TRDN: variants seen among roughly 807,000 people sequenced by gnomAD.
TRDN encodes triadin, also known as triadin in skeletal muscle.
In TRDN, 161 loss-of-function variants were observed where a neutral mutation model predicts 149.7. The ratio of observed to expected loss-of-function variants is 1.08; its 90% confidence interval spans 0.95 to 1.23. The LOEUF is 1.23. TRDN is among the 50% of genes most tolerant of loss of function. TRDN has a pLI of 0.00. For missense variants in TRDN, 896 were observed against 823.5 expected (o/e 1.09, Z -1.08); for synonymous variants, 294 against 250.5 (o/e 1.17, Z -1.64).
chr6:123,267,179 C>T (rs983186388), intron 32 of TRDN, among the ~76,000 whole-genome samples: 1 of 147,938 alleles, frequency 6.8e-6, no homozygotes, highest in Middle Eastern at 3.5e-3. Context: ...GTAGAATTTA[C>T]CAAAAGAGAG....
chr6:123,596,712 CTCTATCAGTGGAACAACAGTTTTTTAA>C, intron 1 of TRDN, among the ~76,000 whole-genome samples: 1 of 152,048 alleles, frequency 6.6e-6, no homozygotes, highest in Non-Finnish European at 1.5e-5. Context: ...CTTGTCTATG[CTCTATCAGTGGAACAACAGTTTTTTAA>C]TCTATCAGTG....
chr6:123,340,530 G>A (rs963159766), intron 21 of TRDN, among the ~76,000 whole-genome samples: 2 of 152,032 alleles, frequency 1.3e-5, no homozygotes, highest in African/African-American at 4.8e-5. Context: ...TTATCAGGCA[G>A]TTAAGATCCC....
chr6:123,301,277 AG>A (rs1414778702), intron 24 of TRDN, among the ~76,000 whole-genome samples: 1 of 152,056 alleles, frequency 6.6e-6, no homozygotes, highest in African/African-American at 2.4e-5. Flanking sequence ...TGTTGACAAG[AG>A]GAATATACAC....
At chr6:123,598,588 T>G (rs1185963901) in intron 1 of TRDN, among the ~76,000 whole-genome samples, 1 of 152,100 alleles carries the variant, frequency 6.6e-6, no homozygotes, top group Non-Finnish European at 1.5e-5. Flanking sequence ...TAAATTCACC[T>G]GATTGTCTAC....
At position 123,366,120 on chromosome 6, in the gene TRDN, T is replaced by C. The variant is rs373855431; in HGVS notation, c.1321+15A>G. On this transcript the variant is annotated intron_variant, in intron 20 of 40. Transcript: ENST00000334268. The stretch of plus-strand genomic sequence containing the variant: ...ACTTATAGTTATGACATCTTTATCT[T>C]TAAGCTGCATTTACCTTTTTTAATT... The C allele has an allele frequency of 3.1e-5, 50 of 1,607,292 alleles. No homozygotes were observed. Among genetic ancestry groups the C allele is most frequent in the Middle Eastern group, 3.3e-4 (2 of 6,062 alleles).
chr6:123,572,648 T>C (rs891687699), intron 1 of TRDN, among the ~76,000 whole-genome samples: 1 of 152,122 alleles, frequency 6.6e-6, no homozygotes, highest in African/African-American at 2.4e-5. Context: ...AAGTAAGTAA[T>C]TGAATACTTA....
rs1375367300 is a variant in TRDN, at chr6:123,217,367, G to A, written c.*1234C>T. 1 of 151,898 alleles carries A rather than the reference G, an allele frequency of 6.6e-6. No individual in the cohort carries two copies. Among genetic ancestry groups the A allele is most frequent in the Non-Finnish European group, 1.5e-5 (1 of 67,930 alleles). 9.4% of individuals were successfully genotyped at this position (151,898 alleles called of 1,614,324 possible). A position where few individuals can be genotyped will look rare whatever the true frequency, so the allele number is the denominator to read the frequency against. On this transcript the variant is annotated 3_prime_UTR_variant, in exon 41 of 41. Coordinates refer to ENST00000334268, the MANE Select transcript of TRDN (RefSeq NM_006073.4). ...CTTGCTGATGGTAATTACAATGCTA[G>A]AAAGGATAACTCAATTTATTTCCTG...
intron 38 of TRDN, among the ~76,000 whole-genome samples, chr6:123,230,234 G>A (rs893620098): frequency 2.6e-5 from 4 of 151,966 alleles, no homozygotes; most frequent in Admixed American, 2.0e-4. Flanking sequence ...CATGTCGTTT[G>A]TAGGGACATG....
intron 1 of TRDN, among the ~76,000 whole-genome samples, chr6:123,609,872 C>G (rs1053780583): frequency 1.3e-5 from 2 of 152,084 alleles, no homozygotes; most frequent in Non-Finnish European, 2.9e-5. Flanking sequence ...ATTCCTAGCT[C>G]CTTCTACTGT....
intron 35 of TRDN, 137 bp from the exon 36 acceptor site, chr6:123,256,039 G>T (rs147951703): frequency 1.9e-5 from 7 of 368,690 alleles, no homozygotes; most frequent in African/African-American, 1.3e-4. Flanking sequence ...TGCTGCACCC[G>T]TCAACCCATC....
In TRDN at chr6:123,558,055, C is replaced by G. The variant is rs558856487; in HGVS notation, c.233-9443G>C. 6.6e-5 allele frequency among the ~76,000 whole-genome samples: 10 copies of G among 152,230 alleles called. No homozygotes were observed. The East Asian group carries it at 1.7e-3, about 27-fold the overall frequency. ...CAGCACTTTCGACTTTTCCACCCTA[C>G]AAGACCTAAAAAATTCTTGTCCTAA... On this transcript the variant is annotated intron_variant, in intron 2 of 40. Coordinates refer to ENST00000334268, the MANE Select transcript of TRDN (RefSeq NM_006073.4).
chr6:123,381,326 A>AG, intron 16 of TRDN, 44 bp downstream of exon 16: 1 of 1,497,482 alleles, frequency 6.7e-7, no homozygotes, highest in Non-Finnish European at 9.1e-7. Flanking sequence ...AAATAATAGT[A>AG]GTAAAAAAAA....
At chr6:123,499,242 T>G (rs9490791) in intron 8 of TRDN, among the ~76,000 whole-genome samples, 49 of 151,992 alleles carry the variant, frequency 3.2e-4, no homozygotes, top group African/African-American at 1.1e-3. Context: ...ATCTGCCCCA[T>G]GTTGTGATGG....
intron 2 of TRDN, among the ~76,000 whole-genome samples, chr6:123,561,685 C>T (rs551819263): frequency 3.9e-5 from 6 of 152,144 alleles, no homozygotes; most frequent in Admixed American, 1.3e-4. Context: ...CATACAAAAC[C>T]GTATCCAGGC....
At chr6:123,476,860 T>G (rs1042160037) in intron 9 of TRDN, among the ~76,000 whole-genome samples, 19 of 151,952 alleles carry the variant, frequency 1.3e-4, no homozygotes, top group East Asian at 3.9e-4. Context: ...TAGCCATATG[T>G]AGAAAGCTGA....
intron 12 of TRDN, among the ~76,000 whole-genome samples, chr6:123,406,724 T>C (rs1242110782): frequency 6.6e-6 from 1 of 152,150 alleles, no homozygotes; most frequent in Non-Finnish European, 1.5e-5. Context: ...ATGGCAATTA[T>C]AACAGCTAAT....
At chr6:123,479,531 G>C (rs72978432) in intron 9 of TRDN, among the ~76,000 whole-genome samples, 277 of 152,296 alleles carry the variant, frequency 1.8e-3, no homozygotes, top group Non-Finnish European at 3.3e-3. Flanking sequence ...AACTTGAAGA[G>C]TGTTTTAGCG....
intron 24 of TRDN, among the ~76,000 whole-genome samples, chr6:123,296,806 A>C (rs1778218681): frequency 6.6e-6 from 1 of 152,062 alleles, no homozygotes; most frequent in Admixed American, 6.6e-5. Context: ...TTATTTACAC[A>C]ATGCTGAACA....
rs150685895 is a variant in TRDN, at chr6:123,561,164, C to T, written c.232+9759G>A. On this transcript the variant is annotated intron_variant, in intron 2 of 40. Coordinates refer to ENST00000334268, the MANE Select transcript of TRDN (RefSeq NM_006073.4). ...TTCCCTTCTGTGAGACATAATTCCT[C>T]GGTTTGGCCTTCCCATATCTATACA... Among the ~76,000 whole-genome samples, 493 of 152,284 alleles carry T rather than the reference C, an allele frequency of 3.2e-3. 2 individuals are homozygous for T. The highest frequency in any genetic ancestry group is 0.01 in the African/African-American group (426 of 41,552).
Sources: gnomAD v4.1 joint callset for allele counts (sites outside exome capture counted in the v4.1 genomes callset) on GRCh38, gnomAD v4.1.1 for gene constraint, MANE v1.5 for transcripts, NCBI Gene and HGNC (gene_info 2026-07-23, HGNC 2026-07-21) for gene names.